The following CPT1A variants were observed in gnomAD, a reference collection of about 807,000 sequenced individuals.
CPT1A encodes the protein carnitine O-palmitoyltransferase 1, liver isoform.
A neutral mutation model predicts 100.8 loss-of-function variants in CPT1A; 64 were observed. The observed-to-expected ratio is 0.63, with a 90% confidence interval of 0.52 to 0.78. The LOEUF (loss-of-function observed/expected upper bound fraction) is 0.78. Among genes scored for constraint, CPT1A ranks in the 30% least tolerant of loss-of-function variants. CPT1A has a pLI of 0.00. For missense variants in CPT1A, 802 were observed against 1,034.1 expected, an observed-to-expected ratio of 0.78 and a Z score of 3.08; for synonymous variants, 363 against 396.0, an observed-to-expected ratio of 0.92 and a Z score of 0.99.
chr11:68,755,262 T>G lies in CPT1A; in HGVS notation c.*2382A>C, dbSNP rs540938410. 1 of 188,756 alleles carries G rather than the reference T, an allele frequency of 5.3e-6. No homozygotes were observed. Among genetic ancestry groups the G allele is most frequent in the South Asian group, 1.1e-4 (1 of 9,390 alleles). The allele number at this position is 188,756 out of a possible 1,614,324, so 11.7% of individuals were successfully genotyped here. On this transcript the variant is annotated 3_prime_UTR_variant, in exon 19 of 19. Transcript: ENST00000265641. ...CTCTAGTGTAACACAGATTGCTCAG[T>G]GGTCAACAGTGCATGATCTAGCTGG...
intron 14 of CPT1A, among the ~76,000 whole-genome samples, chr11:68,766,875 C>T (rs184939667): frequency 6.6e-6 from 1 of 151,704 alleles, no homozygotes; most frequent in African/African-American, 2.4e-5. Context: ...ACATCACCTG[C>T]TAATATTTTG....
intron 1 of CPT1A, among the ~76,000 whole-genome samples, chr11:68,820,503 C>T (rs770564590): frequency 1.3e-5 from 2 of 151,806 alleles, no homozygotes; most frequent in Non-Finnish European, 2.9e-5. Flanking sequence ...GCCAACATGG[C>T]GAAACCCTGT....
intron 1 of CPT1A, among the ~76,000 whole-genome samples, chr11:68,816,554 C>T (rs923580325): frequency 6.6e-6 from 1 of 152,190 alleles, no homozygotes; most frequent in Non-Finnish European, 1.5e-5. Context: ...CGGCCGCCTT[C>T]CTTCAGGCTC....
At position 68,775,338 on chromosome 11, in the gene CPT1A, A is replaced by G; in HGVS notation, c.1553T>C (p.Leu518Pro). The G allele has an allele frequency of 6.2e-7, 1 of 1,613,922 alleles. No homozygotes were observed. Among genetic ancestry groups the G allele is most frequent in the Non-Finnish European group, 8.5e-7 (1 of 1,179,748 alleles). ...TACTTCCCCCGGGATGTCCCACTGCAGCCTGGTGGGGTACGGAATGTTCGG... is the reference window on the plus strand; with the variant it reads ...TACTTCCCCCGGGATGTCCCACTGCGGCCTGGTGGGGTACGGAATGTTCGG... The part of the protein sequence containing the change: ...INPNIPYPTR[L>P]QWDIPGECQE... Residue 518 changes from leucine (L) to proline (P), a missense_variant, in exon 13 of 19, where the codon CTG (leucine) becomes CCG (proline). Coordinates refer to ENST00000265641, the MANE Select transcript of CPT1A (RefSeq NM_001876.4).
chr11:68,807,541 T>G lies in CPT1A; in HGVS notation c.379A>C (p.Lys127Gln), dbSNP rs931572978. 1 of 1,614,028 alleles carries G rather than the reference T, an allele frequency of 6.2e-7. No homozygotes were observed. The highest frequency in any genetic ancestry group is 8.5e-7 in the Non-Finnish European group (1 of 1,180,038). The change falls in exon 4 of 19, where the codon AAA (lysine) becomes CAA (glutamine). Residue 127 changes from lysine to glutamine, a missense_variant. Physicochemically the swap from Lys to Gln is moderately conservative, Grantham distance 53 (BLOSUM62 1). Coordinates refer to ENST00000265641, the MANE Select transcript of CPT1A (RefSeq NM_001876.4). ...ALIVTMRYSL[K>Q]VLLSYHGWMF... ...CACCCGTGGTAGGAGAGCAGCACTT[T>G]CAGGGAGTAGCGCATGGTGACGATG... is the stretch of plus-strand genomic sequence containing the variant.
intron 1 of CPT1A, among the ~76,000 whole-genome samples, chr11:68,818,868 A>ACAG (rs929570385): frequency 6.6e-6 from 1 of 151,998 alleles, no homozygotes; most frequent in African/African-American, 2.4e-5. Flanking sequence ...AACAACAACA[A>ACAG]CAACAAAACA....
intron 14 of CPT1A, among the ~76,000 whole-genome samples, chr11:68,772,946 T>C (rs1460246565): frequency 4.6e-5 from 7 of 152,152 alleles, no homozygotes; most frequent in African/African-American, 1.7e-4. Context: ...CTTTAGCAAA[T>C]GCTAGGATTC....
upstream of CPT1A, among the ~76,000 whole-genome samples, chr11:68,843,128 C>A (rs908711826): frequency 6.6e-6 from 1 of 152,034 alleles, no homozygotes; most frequent in Admixed American, 6.6e-5. This position sits in a 1 kb window ranked among gnomAD's most constrained non-coding sequence, Gnocchi z 4.0. Flanking sequence ...GATCCCGCCC[C>A]CCACCACCGC....
At chr11:68,822,329 C>A (rs1464097599) in intron 1 of CPT1A, among the ~76,000 whole-genome samples, 1 of 151,998 alleles carries the variant, frequency 6.6e-6, no homozygotes, top group African/African-American at 2.4e-5. Flanking sequence ...CTCAGGAGTT[C>A]GAGACCAGCC....
rs1855685800 is a variant in CPT1A at position 68,793,815 on chromosome 11, ATG to A, written c.880-415_880-414del. 2.0e-5 allele frequency among the ~76,000 whole-genome samples: 3 copies of A among 152,074 alleles called. No individual in the cohort carries two copies. The South Asian group carries it at 6.2e-4, about 32-fold the overall frequency. ...AGTTAAGACCACATGGAAATGCTGAATGTGTTTTCTGTGCGAATTGCTTCGTT... is the reference window on the plus strand; with the variant it reads ...AGTTAAGACCACATGGAAATGCTGAATGTTTTCTGTGCGAATTGCTTCGTT... On this transcript the variant is annotated intron_variant, in intron 8 of 18. Coordinates refer to ENST00000265641, the MANE Select transcript of CPT1A (RefSeq NM_001876.4).
At chr11:68,796,477 A>T (rs1425113549) in intron 7 of CPT1A, among the ~76,000 whole-genome samples, 1 of 152,058 alleles carries the variant, frequency 6.6e-6, no homozygotes, top group African/African-American at 2.4e-5. Context: ...AATCACTTGA[A>T]CCTGGGAGGC....
intron 1 of CPT1A, among the ~76,000 whole-genome samples, chr11:68,833,500 T>TA (rs1856931389): frequency 6.6e-6 from 1 of 152,254 alleles, no homozygotes. Flanking sequence ...CTCACGCCTG[T>TA]AATCCCAGCA....
In CPT1A at chr11:68,830,198, T is replaced by C. The variant is rs189496499; in HGVS notation, c.-14+11577A>G. On this transcript the variant is annotated intron_variant, in intron 1 of 18. Coordinates refer to ENST00000265641, the MANE Select transcript of CPT1A (RefSeq NM_001876.4). Reference sequence around the variant, plus strand: ...GGGGCTGAGGTGGGAAGATTTCTTGTGTCTGGGAGGTCGAGGCTGCAGCAA... The same window carrying C: ...GGGGCTGAGGTGGGAAGATTTCTTGCGTCTGGGAGGTCGAGGCTGCAGCAA... Among the ~76,000 whole-genome samples the C allele has an allele frequency of 1.1e-4, 17 of 152,262 alleles. No homozygotes were observed. In the East Asian group the frequency reaches 3.1e-3, roughly 28 times the overall value.
intron 3 of CPT1A, among the ~76,000 whole-genome samples, chr11:68,811,025 T>G (rs1367634295): frequency 6.6e-6 from 1 of 152,192 alleles, no homozygotes; most frequent in Non-Finnish European, 1.5e-5. Context: ...GTGAGTGAGT[T>G]TTCGTTTACG....
chr11:68,793,467 C>T (rs548802800), intron 8 of CPT1A, 65 bp from the exon 9 acceptor site: 261 of 1,360,036 alleles, frequency 1.9e-4, no homozygotes, highest in Middle Eastern at 2.4e-4. Flanking sequence ...GCAAGTTGGC[C>T]GGGTGCGGTG....
At chr11:68,791,635 C>G (rs1341015270) in intron 9 of CPT1A, among the ~76,000 whole-genome samples, 2 of 152,142 alleles carry the variant, frequency 1.3e-5, no homozygotes, top group African/African-American at 4.8e-5. Flanking sequence ...CTCCCATGTT[C>G]AAGTGATTCG....
chr11:68,785,475 C>T (rs1334021622), intron 9 of CPT1A, among the ~76,000 whole-genome samples: 2 of 150,494 alleles, frequency 1.3e-5, no homozygotes, highest in African/African-American at 4.9e-5. Flanking sequence ...GCAGGAGAAT[C>T]GCTTGAAACC....
chr11:68,770,910 C>T (rs1246948181), intron 14 of CPT1A, among the ~76,000 whole-genome samples: 1 of 152,216 alleles, frequency 6.6e-6, no homozygotes, highest in African/African-American at 2.4e-5. Context: ...CTCAGTCCTG[C>T]TGCGTACGAG....
intron 1 of CPT1A, among the ~76,000 whole-genome samples, chr11:68,817,538 G>A (rs897900606): frequency 1.3e-5 from 2 of 152,124 alleles, no homozygotes; most frequent in South Asian, 2.1e-4. Context: ...GGGAGAAGCC[G>A]AGGGGACCTC....
Sources: allele counts gnomAD v4.1 joint callset (sites outside exome capture counted in the v4.1 genomes callset), GRCh38; gene constraint gnomAD v4.1.1; non-coding constraint Gnocchi (gnomAD v3.1); transcripts MANE v1.5; gene names NCBI Gene and HGNC (gene_info 2026-07-23, HGNC 2026-07-21).